TSHZ2: variants seen among roughly 807,000 people sequenced by gnomAD.
TSHZ2 encodes teashirt homolog 2.
Under a neutral mutation model 74.4 loss-of-function variants are expected in TSHZ2, and 21 were observed. The observed-to-expected ratio is 0.28, with a 90% CI of 0.20 to 0.41. The LOEUF (loss-of-function observed/expected upper bound fraction) is 0.41, where lower values mean the gene tolerates loss of function less well. Among genes scored for constraint, TSHZ2 ranks in the 10% least tolerant of loss-of-function variants. TSHZ2 has a pLI of 1.00. For synonymous variants in TSHZ2, 540 were observed against 515.3 expected, an observed-to-expected ratio of 1.05 and a Z score of -0.65; for missense variants, 1,244 against 1,293.5, an observed-to-expected ratio of 0.96 and a Z score of 0.59.
chr20:53,468,897 G>A (rs1985647244), intron 2 of TSHZ2, among the ~76,000 whole-genome samples: 2 of 149,792 alleles, frequency 1.3e-5, no homozygotes, highest in South Asian at 2.1e-4. Flanking sequence ...GTTCCAAGCC[G>A]ACTATCATGA....
At chr20:53,080,000 A>G (rs1158915241) in intron 1 of TSHZ2, among the ~76,000 whole-genome samples, 1 of 152,178 alleles carries the variant, frequency 6.6e-6, no homozygotes, top group Non-Finnish European at 1.5e-5. Context: ...CTTGTTGCCT[A>G]GCTAACTGGA....
intron 1 of TSHZ2, among the ~76,000 whole-genome samples, chr20:53,213,764 A>C (rs922188913): frequency 1.1e-4 from 16 of 150,996 alleles, no homozygotes; most frequent in African/African-American, 3.9e-4. Context: ...TGCTCTTCAC[A>C]CTTGAGATTT....
Position 53,246,036 on chromosome 20 carries a change from C to CTT in TSHZ2, c.41-7461_41-7460dup, listed in dbSNP as rs201257665. ...CAGCTGTGCTTTTCTTTCTTTCTTT[C>CTT]TTTCTTTTTTTTTTTTTGTTTGAGA... On this transcript the variant is annotated intron_variant, in intron 1 of 2. Transcript: ENST00000371497. Among the ~76,000 whole-genome samples the CTT allele has an allele frequency of 5.8e-4, 73 of 126,766 alleles. No homozygotes were observed. The East Asian group carries it at 6.2e-3, about 11-fold the overall frequency. The allele number at this position is 126,766 out of a possible 152,430, so 83.2% of individuals were successfully genotyped here.
At chr20:53,247,375 T>C (rs182184210) in intron 1 of TSHZ2, among the ~76,000 whole-genome samples, 2 of 152,244 alleles carry the variant, frequency 1.3e-5, no homozygotes, top group Admixed American at 6.5e-5. Context: ...CTCTCTAGAC[T>C]TCCTCTCTCC....
intron 2 of TSHZ2, among the ~76,000 whole-genome samples, chr20:53,257,715 A>G (rs1029700340): frequency 1.3e-5 from 2 of 152,248 alleles, no homozygotes; most frequent in Non-Finnish European, 2.9e-5. Flanking sequence ...CCATTCCCCA[A>G]GATGGGAACC....
intron 2 of TSHZ2, among the ~76,000 whole-genome samples, chr20:53,290,593 G>A (rs1251707089): frequency 4.6e-5 from 7 of 152,098 alleles, no homozygotes; most frequent in Non-Finnish European, 8.8e-5. Context: ...TATAGTCAAA[G>A]CACTCTGAGA....
At chr20:53,092,619 T>G (rs1985916115) in intron 1 of TSHZ2, among the ~76,000 whole-genome samples, 1 of 152,246 alleles carries the variant, frequency 6.6e-6, no homozygotes, top group Non-Finnish European at 1.5e-5. Context: ...TCTCTCCCAG[T>G]TGTAATTTGT....
At chr20:53,012,292 G>C (rs1468938871) in intron 1 of TSHZ2, among the ~76,000 whole-genome samples, 2 of 152,066 alleles carry the variant, frequency 1.3e-5, no homozygotes, top group Non-Finnish European at 2.9e-5. Context: ...TCCCGTCTCT[G>C]TTTCTGCTCA....
rs763569165 is a variant in TSHZ2 at position 53,255,599 on chromosome 20, G to A, written c.2141G>A (p.Arg714His). ...NHLGKATEPL[R>H]SPSCSSPSSS... is the part of the protein sequence containing the mutation. ...TTGGGCAAAGCCACGGAGCCCTTGC[G>A]CTCACCTTCCTGCTCCAGCCCAAGT... The change falls in exon 2 of 3, where the codon CGC (arginine) becomes CAC (histidine). Residue 714 changes from arginine to histidine, a missense_variant. By Grantham distance (29) the Arg-to-His change is conservative. Coordinates refer to ENST00000371497, the MANE Select transcript of TSHZ2 (RefSeq NM_173485.6). The surrounding 1 kb of genome is among the most constrained non-coding windows in gnomAD (Gnocchi z 4.1). 38 of 1,584,068 alleles carry A rather than the reference G, an allele frequency of 2.4e-5. No individual in the cohort carries two copies. The highest frequency in any genetic ancestry group is 5.3e-5 in the Admixed American group (3 of 56,634).
At chr20:53,056,291 T>C (rs934921164) in intron 1 of TSHZ2, among the ~76,000 whole-genome samples, 8 of 152,206 alleles carry the variant, frequency 5.3e-5, no homozygotes, top group African/African-American at 1.9e-4. Flanking sequence ...AGTTTTTTAT[T>C]GTTTCTGGTT....
intron 1 of TSHZ2, among the ~76,000 whole-genome samples, chr20:53,083,720 G>C (rs1432528059): frequency 6.6e-6 from 1 of 152,134 alleles, no homozygotes; most frequent in Non-Finnish European, 1.5e-5. Flanking sequence ...AGTAATATTT[G>C]CTTCACCGTT....
At chr20:53,321,456 C>A in intron 2 of TSHZ2, among the ~76,000 whole-genome samples, 1 of 151,982 alleles carries the variant, frequency 6.6e-6, no homozygotes, top group East Asian at 1.9e-4. Context: ...GCAGCCGAAG[C>A]AGGCGGATCA....
intron 2 of TSHZ2, among the ~76,000 whole-genome samples, chr20:53,285,219 C>T (rs1991142389): frequency 6.6e-6 from 1 of 152,180 alleles, no homozygotes; most frequent in Admixed American, 6.5e-5. Flanking sequence ...GATCACAGAG[C>T]ACCAGCTCAA....
At chr20:53,460,327 C>T (rs1985304626) in intron 2 of TSHZ2, among the ~76,000 whole-genome samples, 1 of 152,132 alleles carries the variant, frequency 6.6e-6, no homozygotes, top group Non-Finnish European at 1.5e-5. Flanking sequence ...CCCTTTCTTC[C>T]AGTTGATCGC....
At chr20:53,399,377 A>G (rs1311186448) in intron 2 of TSHZ2, 1 of 152,180 alleles carries the variant, frequency 6.6e-6, no homozygotes, top group African/African-American at 2.4e-5. Context: ...GCTGACTTAA[A>G]TTATGAATGG....
intron 1 of TSHZ2, among the ~76,000 whole-genome samples, chr20:53,120,535 C>G (rs764459307): frequency 6.6e-6 from 1 of 151,846 alleles, no homozygotes. Context: ...AATTTTAGAA[C>G]ACAAAAAAAG....
chr20:53,092,601 G>T (rs1985915648), intron 1 of TSHZ2, among the ~76,000 whole-genome samples: 1 of 152,256 alleles, frequency 6.6e-6, no homozygotes, highest in Admixed American at 6.5e-5. Flanking sequence ...ACCCTTCTTG[G>T]AAACATTTCT....
At chr20:53,082,993 G>A (rs1053974044) in intron 1 of TSHZ2, among the ~76,000 whole-genome samples, 3 of 152,206 alleles carry the variant, frequency 2.0e-5, no homozygotes, top group Non-Finnish European at 2.9e-5. Flanking sequence ...AACTCAGAAA[G>A]AGTCCTCAGC....
intron 1 of TSHZ2, among the ~76,000 whole-genome samples, chr20:53,220,999 A>G (rs1174393651): frequency 6.6e-6 from 1 of 152,222 alleles, no homozygotes; most frequent in Non-Finnish European, 1.5e-5. Context: ...CTCATCTTGA[A>G]TTTCCCATAA....
Sources: gnomAD v4.1 joint callset for allele counts (sites outside exome capture counted in the v4.1 genomes callset) on GRCh38, gnomAD v4.1.1 for gene constraint, Gnocchi (gnomAD v3.1) non-coding constraint, MANE v1.5 for transcripts, NCBI Gene and HGNC (gene_info 2026-07-23, HGNC 2026-07-21) for gene names.